ZBTB32: variants seen among roughly 807,000 people sequenced by gnomAD.
The protein encoded by ZBTB32 is zinc finger and BTB domain-containing protein 32.
Under a neutral mutation model 45.3 loss-of-function variants are expected in ZBTB32, and 28 were observed. The observed-to-expected ratio is 0.62, with a 90% CI of 0.46 to 0.85. The LOEUF is 0.85. Ranked by LOEUF, ZBTB32 falls within the 40% of genes least tolerant of loss-of-function variation. ZBTB32 has a pLI of 0.00. For synonymous variants in ZBTB32, 283 were observed against 255.7 expected (o/e 1.11, Z -1.02); for missense variants, 587 against 624.4 (o/e 0.94, Z 0.64).
At chr19:35,715,856 A>C in intron 4 of ZBTB32, 26 bp downstream of exon 4, 1 of 1,611,962 alleles carries the variant, frequency 6.2e-7, no homozygotes, top group Non-Finnish European at 8.5e-7. Context: ...TCCTGCATAC[A>C]CCTGTAACAT....
At chr19:35,708,569 G>T (rs1968606519) in intron 1 of ZBTB32, among the ~76,000 whole-genome samples, 1 of 152,196 alleles carries the variant, frequency 6.6e-6, no homozygotes. Context: ...GCCATTCACT[G>T]TGAAGGGATG....
In ZBTB32 at chr19:35,714,710, CTG is replaced by C; in HGVS notation, c.87_88del (p.Cys29Ter). 1 of 1,613,682 alleles carries C rather than the reference CTG, an allele frequency of 6.2e-7. No individual in the cohort carries two copies. Among genetic ancestry groups the C allele is most frequent in the Non-Finnish European group, 8.5e-7 (1 of 1,179,844 alleles). On this transcript the variant is annotated frameshift_variant, in exon 3 of 7. Transcript: ENST00000392197. LOFTEE classifies it high-confidence loss of function. ...TAGCAGCCAGGCTCCGGCCAGCACTCTGTGATACTCTGATCACCGTAGGGAGC... is the reference window on the plus strand; with the variant it reads ...TAGCAGCCAGGCTCCGGCCAGCACTCTGATACTCTGATCACCGTAGGGAGC... ...QLAARLRPAL[C>X]DTLITVGSQE... is the part of the protein sequence containing the mutation.
chr19:35,716,086 G>A (rs1968877729), intron 5 of ZBTB32, 47 bp from the exon 6 acceptor site: 3 of 1,611,424 alleles, frequency 1.9e-6, no homozygotes, highest in African/African-American at 2.7e-5. Flanking sequence ...GTGAGTTGGC[G>A]CTGGGATTCC....
chr19:35,715,879 G>C lies in ZBTB32; in HGVS notation c.955+49G>C, dbSNP rs1280374071. 3 of 1,609,684 alleles carry C rather than the reference G, an allele frequency of 1.9e-6. No homozygotes were observed. In the African/African-American group the frequency reaches 4.0e-5, roughly 22 times the overall value. ...ACACCTGTAACATGGTGTCTTCTCT[G>C]GGCTGGGGCTCGAGGAGTCCAGCCT... On this transcript the variant is annotated intron_variant, in intron 4 of 6. Coordinates refer to ENST00000392197, the MANE Select transcript of ZBTB32 (RefSeq NM_014383.3).
chr19:35,715,605 C>T, intron 3 of ZBTB32, 98 bp downstream of exon 3: 2 of 1,486,890 alleles, frequency 1.3e-6, no homozygotes, highest in East Asian at 2.3e-5. Flanking sequence ...CTCTACTGCA[C>T]AGTTCCTGAG....
chr19:35,710,510 C>T (rs1247810231), intron 1 of ZBTB32, among the ~76,000 whole-genome samples: 1 of 152,092 alleles, frequency 6.6e-6, no homozygotes, highest in Admixed American at 6.6e-5. Flanking sequence ...GTGGCTCACA[C>T]CTGTAATCCC....
chr19:35,714,599 C>T lies in ZBTB32; in HGVS notation c.-28C>T. The T allele has an allele frequency of 6.7e-7, 1 of 1,499,516 alleles. No homozygotes were observed. Among genetic ancestry groups the T allele is most frequent in the South Asian group, 1.4e-5 (1 of 73,284 alleles). The allele number at this position is 1,499,516 out of a possible 1,614,324, so 92.9% of individuals were successfully genotyped here. A position where few individuals can be genotyped will look rare whatever the true frequency, so the allele number is the denominator to read the frequency against. ...CACTGTGGACTTCCTCTTAGAGCCT[C>T]TGAGTTAGGTACCCAAGCCAAGGCA... On this transcript the variant is annotated 5_prime_UTR_variant, in exon 3 of 7. Transcript: ENST00000392197.
rs925448227 is a variant in ZBTB32, at chr19:35,716,933, A to T, written c.*181A>T. The T allele has an allele frequency of 2.1e-5, 14 of 661,308 alleles. No individual in the cohort carries two copies. The highest frequency in any genetic ancestry group is 5.9e-5 in the Admixed American group (2 of 34,110). The allele number at this position is 661,308 out of a possible 1,614,324, so 41.0% of individuals were successfully genotyped here. A position where few individuals can be genotyped will look rare whatever the true frequency, so the allele number is the denominator to read the frequency against. ...CGGGTCGCAGAAGCCCAGGCCAGCG[A>T]GCCCTACAGAGTGAGGACACTGAAG... On this transcript the variant is annotated 3_prime_UTR_variant, in exon 7 of 7. Transcript: ENST00000392197.
In ZBTB32 at chr19:35,713,882, T is replaced by C. The variant is rs112074597; in HGVS notation, c.-104-641T>C. Among the ~76,000 whole-genome samples, 104 of 152,380 alleles carry C rather than the reference T, an allele frequency of 6.8e-4. 1 individual carries two copies. The highest frequency in any genetic ancestry group is 2.3e-3 in the African/African-American group (96 of 41,602). On this transcript the variant is annotated intron_variant, in intron 2 of 6. Coordinates refer to ENST00000392197, the MANE Select transcript of ZBTB32 (RefSeq NM_014383.3). ...CATTCTCCAAAAGGTCTCTCCATCATTGGGTCAGGAGCCTCCTCTCCTGTG... is the reference window on the plus strand; with the variant it reads ...CATTCTCCAAAAGGTCTCTCCATCACTGGGTCAGGAGCCTCCTCTCCTGTG...
intron 6 of ZBTB32, 74 bp downstream of exon 6, chr19:35,716,371 C>T (rs1237544675): frequency 1.3e-6 from 2 of 1,595,328 alleles, no homozygotes; most frequent in African/African-American, 1.3e-5. Context: ...CCTGTGTGCC[C>T]GGTTCCCGCG....
chr19:35,707,663 C>G (rs1444839161), intron 1 of ZBTB32, among the ~76,000 whole-genome samples: 1 of 152,034 alleles, frequency 6.6e-6, no homozygotes, highest in Non-Finnish European at 1.5e-5. Context: ...CCACCGCACC[C>G]GGCCTGTGTC....
intron 1 of ZBTB32, among the ~76,000 whole-genome samples, chr19:35,711,382 T>TTTA (rs1318394850): frequency 6.6e-6 from 1 of 152,190 alleles, no homozygotes; most frequent in Non-Finnish European, 1.5e-5. Context: ...TTATGTGTCT[T>TTTA]TTATATGGGT....
At chr19:35,712,067 GA>G (rs1297556460) in intron 1 of ZBTB32, among the ~76,000 whole-genome samples, 2 of 151,502 alleles carry the variant, frequency 1.3e-5, no homozygotes, top group African/African-American at 2.4e-5. Flanking sequence ...AGCCTATGGG[GA>G]AGCCGACTGT....
intron 1 of ZBTB32, among the ~76,000 whole-genome samples, chr19:35,705,688 G>A (rs1198950943): frequency 1.3e-5 from 2 of 151,996 alleles, no homozygotes; most frequent in East Asian, 1.9e-4. Flanking sequence ...TGAGGTGGGT[G>A]GATCACCAGG....
intron 1 of ZBTB32, among the ~76,000 whole-genome samples, chr19:35,708,158 T>C (rs1463327096): frequency 6.6e-6 from 1 of 152,082 alleles, no homozygotes; most frequent in Non-Finnish European, 1.5e-5. Context: ...TCAAGGTGTC[T>C]CACATTCTAG....
Position 35,716,019 on chromosome 19 carries a change from G to A in ZBTB32, c.1024+12G>A, listed in dbSNP as rs772311905. ...TCAGGGGCACACAGGTGAGTCGGGC[G>A]GGGGCACTCGTGCCTCAGCCCCACT... is the stretch of plus-strand genomic sequence containing the variant. On this transcript the variant is annotated intron_variant, in intron 5 of 6. Transcript: ENST00000392197. The A allele has an allele frequency of 1.9e-6, 3 of 1,611,154 alleles. No individual in the cohort carries two copies. The highest frequency in any genetic ancestry group is 1.1e-5 in the South Asian group (1 of 91,066).
chr19:35,716,633 G>C lies in ZBTB32; in HGVS notation c.1345G>C (p.Gly449Arg). The C allele has an allele frequency of 6.2e-7, 1 of 1,613,642 alleles. No homozygotes were observed. The highest frequency in any genetic ancestry group is 1.1e-5 in the South Asian group (1 of 91,088). ...GGCCTCCATGCAGGCGCACATGCGCGGTCACTCGCCCAGCCAACTCCCGCC... is the reference window on the plus strand; with the variant it reads ...GGCCTCCATGCAGGCGCACATGCGCCGTCACTCGCCCAGCCAACTCCCGCC... Reference protein sequence around the residue: ...SLASMQAHMRGHSPSQLPPGW... With the variant: ...SLASMQAHMRRHSPSQLPPGW... The change falls in exon 7 of 7, where the codon GGT becomes CGT. Residue 449 changes from glycine (G) to arginine (R), a missense_variant. Transcript: ENST00000392197.
chr19:35,716,695 C>A lies in ZBTB32; in HGVS notation c.1407C>A (p.Ser469=). 1 of 1,614,048 alleles carries A rather than the reference C, an allele frequency of 6.2e-7. No homozygotes were observed. Among genetic ancestry groups the A allele is most frequent in the South Asian group, 1.1e-5 (1 of 91,086 alleles). ...WTIRSTFLYS[S]SRPSRPSTSP... is the part of the protein sequence containing the mutation. Reference sequence around the variant, plus strand: ...TCCGCTCCACCTTCCTCTACTCCTCCTCGAGGCCGTCTCGGCCCTCGACCT... The same window carrying A: ...TCCGCTCCACCTTCCTCTACTCCTCATCGAGGCCGTCTCGGCCCTCGACCT... Residue 469 remains serine, a synonymous_variant, in exon 7 of 7, where the codon TCC becomes TCA. Coordinates refer to ENST00000392197, the MANE Select transcript of ZBTB32 (RefSeq NM_014383.3).
chr19:35,704,657 T>A (rs1968494914), intron 1 of ZBTB32, 34 bp downstream of exon 1: 1 of 152,372 alleles, frequency 6.6e-6, no homozygotes. Context: ...TTTACTTTCT[T>A]GGGCTTGGGC....
Sources: allele counts gnomAD v4.1 joint callset (sites outside exome capture counted in the v4.1 genomes callset), GRCh38; gene constraint gnomAD v4.1.1; transcripts MANE v1.5; gene names NCBI Gene and HGNC (gene_info 2026-07-23, HGNC 2026-07-21).